BBS9: variants seen among roughly 807,000 people sequenced by gnomAD.
BBS9 encodes the protein Bardet-Biedl syndrome 9.
A neutral mutation model predicts 117.7 loss-of-function variants in BBS9; 89 were observed. The observed-to-expected ratio is 0.76, with a 90% CI of 0.64 to 0.90. The LOEUF (loss-of-function observed/expected upper bound fraction) is 0.90. Among genes scored for constraint, BBS9 ranks in the 40% least tolerant of loss-of-function variants. The pLI is 0.00. For missense variants in BBS9, 982 were observed against 1,042.2 expected, an observed-to-expected ratio of 0.94 and a Z score of 0.80; for synonymous variants, 379 against 370.9, an observed-to-expected ratio of 1.02 and a Z score of -0.25.
intron 1 of BBS9, among the ~76,000 whole-genome samples, chr7:33,132,169 T>C (rs1016518098): frequency 1.3e-5 from 2 of 152,230 alleles, no homozygotes; most frequent in East Asian, 1.9e-4. Flanking sequence ...AATAGAGCTA[T>C]TGCTTTTATA....
intron 5 of BBS9, among the ~76,000 whole-genome samples, chr7:33,190,099 A>T (rs2128189397): frequency 6.8e-6 from 1 of 146,348 alleles, no homozygotes. Flanking sequence ...TTGATTATAG[A>T]GCTTTGTTTT....
intron 21 of BBS9, among the ~76,000 whole-genome samples, chr7:33,585,885 C>G (rs888038411): frequency 6.6e-6 from 1 of 152,084 alleles, no homozygotes; most frequent in East Asian, 1.9e-4. Flanking sequence ...GTAGAAAATA[C>G]TCATGACACA....
intron 17 of BBS9, 74 bp downstream of exon 17, chr7:33,367,936 C>G: frequency 1.7e-6 from 2 of 1,154,530 alleles, no homozygotes; most frequent in Non-Finnish European, 2.6e-6. Context: ...ATACTCACAT[C>G]AATAATTCCT....
At chr7:33,314,885 G>A (rs1187643823) in intron 9 of BBS9, among the ~76,000 whole-genome samples, 1 of 152,212 alleles carries the variant, frequency 6.6e-6, no homozygotes, top group Non-Finnish European at 1.5e-5. Context: ...TTTATCTGAA[G>A]ATAGTAAGAC....
chr7:33,385,793 T>C (rs1825896409), intron 18 of BBS9, among the ~76,000 whole-genome samples: 1 of 152,162 alleles, frequency 6.6e-6, no homozygotes, highest in African/African-American at 2.4e-5. Context: ...AATTATACAA[T>C]TAGAAGAATG....
chr7:33,412,250 G>T (rs1831276861), intron 19 of BBS9, among the ~76,000 whole-genome samples: 1 of 152,072 alleles, frequency 6.6e-6, no homozygotes, highest in South Asian at 2.1e-4. Context: ...TAGTTGAATT[G>T]GATTTTCAGT....
chr7:33,284,817 C>T (rs773875790), intron 9 of BBS9, among the ~76,000 whole-genome samples: 25 of 152,088 alleles, frequency 1.6e-4, no homozygotes, highest in Non-Finnish European at 2.6e-4. Flanking sequence ...TGGTTTTGGT[C>T]TTTTCTATGT....
intron 19 of BBS9, among the ~76,000 whole-genome samples, chr7:33,449,851 C>G (rs1390581425): frequency 6.6e-6 from 1 of 152,068 alleles, no homozygotes; most frequent in Non-Finnish European, 1.5e-5. Flanking sequence ...TTGTGGCAAA[C>G]AAACGCATAA....
At chr7:33,335,469 A>G (rs972545822) in intron 9 of BBS9, among the ~76,000 whole-genome samples, 2 of 152,172 alleles carry the variant, frequency 1.3e-5, no homozygotes, top group African/African-American at 4.8e-5. Flanking sequence ...AGTCAAACAA[A>G]TCCATTATGT....
At chr7:33,280,906 T>G (rs915287331) in intron 9 of BBS9, among the ~76,000 whole-genome samples, 13 of 65,128 alleles carry the variant, frequency 2.0e-4, no homozygotes, top group African/African-American at 7.8e-4. Context: ...TAATTTGTCG[T>G]TTTTGTTTTT....
intron 21 of BBS9, among the ~76,000 whole-genome samples, chr7:33,577,091 G>A (rs906061144): frequency 6.6e-6 from 1 of 152,090 alleles, no homozygotes; most frequent in Admixed American, 6.6e-5. Flanking sequence ...CACAGCAAAA[G>A]AAGTTACCAT....
rs1343065138 is a variant in BBS9 at position 33,358,143 on chromosome 7, C to A, written c.1693+148C>A. The A allele has an allele frequency of 4.0e-6, 4 of 997,106 alleles. No homozygotes were observed. In the African/African-American group the frequency reaches 4.8e-5, roughly 12 times the overall value. The allele number at this position is 997,106 out of a possible 1,614,324, so 61.8% of individuals were successfully genotyped here. A position where few individuals can be genotyped will look rare whatever the true frequency, so the allele number is the denominator to read the frequency against. On this transcript the variant is annotated intron_variant, in intron 16 of 22. Coordinates refer to ENST00000242067, the MANE Select transcript of BBS9 (RefSeq NM_198428.3). ...GCCTCAAGGATTTTTCCCTCCTTTG[C>A]CTGTTCAAAGGTGAATAGCTTATAT...
intron 5 of BBS9, among the ~76,000 whole-genome samples, chr7:33,180,971 C>T (rs993284510): frequency 4.6e-5 from 7 of 152,100 alleles, no homozygotes; most frequent in East Asian, 1.9e-4. Context: ...CCTTGGCGGT[C>T]GGGATATTCA....
chr7:33,472,770 C>T (rs899602159), intron 19 of BBS9, among the ~76,000 whole-genome samples: 4 of 152,132 alleles, frequency 2.6e-5, no homozygotes, highest in African/African-American at 9.7e-5. Flanking sequence ...AGCATTACCC[C>T]CACTCTCTCA....
At chr7:33,507,866 C>T (rs1040044922) in intron 20 of BBS9, among the ~76,000 whole-genome samples, 3 of 152,132 alleles carry the variant, frequency 2.0e-5, no homozygotes, top group Non-Finnish European at 2.9e-5. Flanking sequence ...TGTTAAAACA[C>T]GTACTAAAAG....
intron 1 of BBS9, among the ~76,000 whole-genome samples, chr7:33,143,971 G>A (rs1791951252): frequency 1.3e-5 from 2 of 151,818 alleles, no homozygotes; most frequent in African/African-American, 4.8e-5. Flanking sequence ...AGTTCTTTAT[G>A]TATCCTGGAT....
chr7:33,570,964 T>A (rs1254738532), intron 21 of BBS9, among the ~76,000 whole-genome samples: 1 of 152,162 alleles, frequency 6.6e-6, no homozygotes, highest in African/African-American at 2.4e-5. Context: ...TGGAATTTCA[T>A]AATGGATGCT....
At chr7:33,418,990 G>A (rs1296407405) in intron 19 of BBS9, among the ~76,000 whole-genome samples, 1 of 152,052 alleles carries the variant, frequency 6.6e-6, no homozygotes, top group African/African-American at 2.4e-5. Context: ...TCTGCTCCCT[G>A]TAGCACTTAG....
intron 21 of BBS9, among the ~76,000 whole-genome samples, chr7:33,557,800 A>G (rs1855515752): frequency 6.6e-6 from 1 of 152,266 alleles, no homozygotes; most frequent in Non-Finnish European, 1.5e-5. Context: ...AGATGCTGGA[A>G]GATAAGCAGA....
Sources: allele counts gnomAD v4.1 joint callset (sites outside exome capture counted in the v4.1 genomes callset), GRCh38; gene constraint gnomAD v4.1.1; transcripts MANE v1.5; gene names NCBI Gene and HGNC (gene_info 2026-07-23, HGNC 2026-07-21).